DHRS7B: variants seen among roughly 807,000 people sequenced by gnomAD.
The protein encoded by DHRS7B is peroxisomal reductase activating PPAR-gamma.
DHRS7B carries 24 observed loss-of-function variants against 26.4 expected under a neutral mutation model. The ratio of observed to expected loss-of-function variants is 0.91; its 90% confidence interval spans 0.66 to 1.28. DHRS7B has a LOEUF of 1.28. Ranked by LOEUF, DHRS7B falls within the 50% of genes most tolerant of loss-of-function variation. The probability of loss-of-function intolerance (pLI) is 0.00; values close to 1 mark genes in which losing one functional copy is unlikely to be tolerated. For missense variants in DHRS7B, 368 were observed against 419.4 expected, an observed-to-expected ratio of 0.88 and a Z score of 1.07; for synonymous variants, 142 against 166.4, an observed-to-expected ratio of 0.85 and a Z score of 1.13.
At chr17:21,136,946 G>A (rs1597731019) in intron 1 of DHRS7B, among the ~76,000 whole-genome samples, 1 of 151,618 alleles carries the variant, frequency 6.6e-6, no homozygotes, top group Admixed American at 6.6e-5. Flanking sequence ...AAGTTTTTTG[G>A]CTTTTAAAAT....
At chr17:21,134,224 G>A (rs977945434) in intron 1 of DHRS7B, among the ~76,000 whole-genome samples, 25 of 152,278 alleles carry the variant, frequency 1.6e-4, no homozygotes, top group Admixed American at 7.2e-4. Context: ...GACAAGTCAC[G>A]CTAGGACTGG....
intron 4 of DHRS7B, 113 bp from the exon 5 acceptor site, chr17:21,184,258 T>C (rs1037112448): frequency 1.1e-6 from 1 of 936,046 alleles, no homozygotes; most frequent in African/African-American, 1.6e-5. Flanking sequence ...TAAGGGGTTT[T>C]CACCATTCTC....
rs199513508 is a variant in DHRS7B at position 21,157,503 on chromosome 17, CT to C, written c.21-14513del. The stretch of plus-strand genomic sequence containing the variant: ...CGTGAGGCCAGGAATTCAAGACCAG[CT>C]TGGGCAACAGAGCAAGACCTCATCT... On this transcript the variant is annotated intron_variant, in intron 1 of 6. Coordinates refer to ENST00000395511, the MANE Select transcript of DHRS7B (RefSeq NM_015510.5). Among the ~76,000 whole-genome samples the C allele has an allele frequency of 6.1e-3, 926 of 152,240 alleles. 11 individuals carry two copies. Among genetic ancestry groups the C allele is most frequent in the African/African-American group, 0.021 (887 of 41,532 alleles).
intron 1 of DHRS7B, among the ~76,000 whole-genome samples, chr17:21,165,327 T>C (rs1481269202): frequency 6.6e-6 from 1 of 152,016 alleles, no homozygotes; most frequent in Non-Finnish European, 1.5e-5. Flanking sequence ...TGTCTTCTGG[T>C]AACACTATAT....
Position 21,191,227 on chromosome 17 carries a change from T to A in DHRS7B, c.*74T>A. The A allele has an allele frequency of 6.9e-7, 1 of 1,459,758 alleles. No homozygotes were observed. Among genetic ancestry groups the A allele is most frequent in the Non-Finnish European group, 9.5e-7 (1 of 1,052,420 alleles). 90.4% of individuals were successfully genotyped at this position (1,459,758 alleles called of 1,614,324 possible). Reference sequence around the variant, plus strand: ...GCTTACTCTACAAGGGACAGTTGCATTTGTTGAGACTTTAATGGAGATTTG... The same window carrying A: ...GCTTACTCTACAAGGGACAGTTGCAATTGTTGAGACTTTAATGGAGATTTG... On this transcript the variant is annotated 3_prime_UTR_variant, in exon 7 of 7. Transcript: ENST00000395511.
chr17:21,147,631 C>T (rs1261874595), intron 1 of DHRS7B, among the ~76,000 whole-genome samples: 1 of 152,124 alleles, frequency 6.6e-6, no homozygotes, highest in Non-Finnish European at 1.5e-5. Flanking sequence ...ACCATTTTTG[C>T]ACTGGAAAAA....
At chr17:21,168,170 A>G (rs1974155371) in intron 1 of DHRS7B, among the ~76,000 whole-genome samples, 1 of 152,254 alleles carries the variant, frequency 6.6e-6, no homozygotes, top group Non-Finnish European at 1.5e-5. Flanking sequence ...CATGCCCTGC[A>G]TAGTGGAAGA....
intron 1 of DHRS7B, among the ~76,000 whole-genome samples, chr17:21,170,141 T>C (rs1037711267): frequency 6.6e-6 from 1 of 152,174 alleles, no homozygotes; most frequent in African/African-American, 2.4e-5. Flanking sequence ...TAAAGCTATA[T>C]CAACAAAATG....
chr17:21,158,180 C>A (rs1450169059), intron 1 of DHRS7B, among the ~76,000 whole-genome samples: 1 of 152,116 alleles, frequency 6.6e-6, no homozygotes, highest in African/African-American at 2.4e-5. Flanking sequence ...AGATCAAGAA[C>A]AAGGCAAGGA....
intron 2 of DHRS7B, among the ~76,000 whole-genome samples, chr17:21,174,723 G>A (rs1487582369): frequency 6.6e-6 from 1 of 152,224 alleles, no homozygotes; most frequent in Non-Finnish European, 1.5e-5. Context: ...ACCCTTTGGT[G>A]GCACCTCACA....
chr17:21,143,535 G>A (rs1002616544), intron 1 of DHRS7B, among the ~76,000 whole-genome samples: 1 of 152,150 alleles, frequency 6.6e-6, no homozygotes, highest in Admixed American at 6.5e-5. Flanking sequence ...CATTTTCAAA[G>A]GAATGAAGGA....
At chr17:21,148,044 T>C (rs1441976328) in intron 1 of DHRS7B, among the ~76,000 whole-genome samples, 2 of 152,040 alleles carry the variant, frequency 1.3e-5, no homozygotes, top group Admixed American at 1.3e-4. Flanking sequence ...GGTGAGATAG[T>C]GTCTCTATTT....
intron 3 of DHRS7B, among the ~76,000 whole-genome samples, chr17:21,182,800 T>C (rs150817336): frequency 6.6e-6 from 1 of 152,334 alleles, no homozygotes; most frequent in African/African-American, 2.4e-5. Context: ...TCGCTGGTAT[T>C]TTGTTGAAGA....
chr17:21,132,538 AAAAAAAAAAAAC>A (rs1311593817), intron 1 of DHRS7B, among the ~76,000 whole-genome samples: 11 of 147,964 alleles, frequency 7.4e-5, no homozygotes, highest in African/African-American at 2.0e-4. Flanking sequence ...CTCAAAAAAA[AAAAAAAAAAAAC>A]AAAAAAAAAA....
chr17:21,168,854 G>T (rs1333007959), intron 1 of DHRS7B: 3 of 985,358 alleles, frequency 3.0e-6, no homozygotes, highest in Admixed American at 1.2e-4. Flanking sequence ...CTGTGATGTT[G>T]TGTCAGGTGC....
chr17:21,176,481 G>T (rs1974381977), intron 2 of DHRS7B, among the ~76,000 whole-genome samples: 2 of 151,996 alleles, frequency 1.3e-5, no homozygotes, highest in South Asian at 4.1e-4. Flanking sequence ...AGTATCTGTG[G>T]TCCCACCTAC....
chr17:21,159,387 A>G (rs919048413), intron 1 of DHRS7B, among the ~76,000 whole-genome samples: 2 of 150,016 alleles, frequency 1.3e-5, no homozygotes, highest in Admixed American at 6.7e-5. Context: ...ATCTGGGATT[A>G]CAGGAGTGCA....
At chr17:21,164,030 C>CTTTTTATTTTTTTT (rs1974055506) in intron 1 of DHRS7B, among the ~76,000 whole-genome samples, 2 of 96,976 alleles carry the variant, frequency 2.1e-5, no homozygotes, top group Admixed American at 1.1e-4. Flanking sequence ...AATTGTTGTG[C>CTTTTTATTTTTTTT]TTTTTTTTTT....
At chr17:21,131,692 T>G (rs1283998401) in intron 1 of DHRS7B, among the ~76,000 whole-genome samples, 1 of 152,246 alleles carries the variant, frequency 6.6e-6, no homozygotes, top group African/African-American at 2.4e-5. Flanking sequence ...TTGCTCTGGT[T>G]CAGATGACTG....
Sources: gnomAD v4.1 joint callset for allele counts (sites outside exome capture counted in the v4.1 genomes callset) on GRCh38, gnomAD v4.1.1 for gene constraint, MANE v1.5 for transcripts, NCBI Gene and HGNC (gene_info 2026-07-23, HGNC 2026-07-21) for gene names.